DPYD: variants seen among roughly 807,000 people sequenced by gnomAD.
DPYD encodes dihydropyrimidine dehydrogenase [NADP(+)].
A neutral mutation model predicts 116.2 loss-of-function variants in DPYD; 109 were observed. The ratio of observed to expected loss-of-function variants is 0.94; its 90% CI spans 0.80 to 1.10. DPYD has a LOEUF of 1.10. DPYD is among the 50% of genes least tolerant of loss of function. The pLI is 0.00. For synonymous variants in DPYD, 440 were observed against 432.0 expected (o/e 1.02, Z -0.23); for missense variants, 1,302 against 1,254.5 (o/e 1.04, Z -0.57).
At chr1:97,678,224 C>T (rs1222350739) in intron 8 of DPYD, among the ~76,000 whole-genome samples, 1 of 152,082 alleles carries the variant, frequency 6.6e-6, no homozygotes, top group African/African-American at 2.4e-5. Flanking sequence ...GTTTGCACTC[C>T]TATGATAATT....
intron 3 of DPYD, among the ~76,000 whole-genome samples, chr1:97,768,970 A>T (rs528700342): frequency 1.3e-5 from 2 of 152,128 alleles, no homozygotes; most frequent in East Asian, 3.9e-4. Context: ...AAATAAAGAA[A>T]AAAACACATA....
intron 19 of DPYD, among the ~76,000 whole-genome samples, chr1:97,220,947 TGTG>T (rs1301971256): frequency 6.6e-6 from 1 of 152,134 alleles, no homozygotes; most frequent in African/African-American, 2.4e-5. Flanking sequence ...TATCCAAAAA[TGTG>T]ATCAAATGGA....
At chr1:97,446,697 C>T (rs964805205) in intron 14 of DPYD, among the ~76,000 whole-genome samples, 1 of 152,046 alleles carries the variant, frequency 6.6e-6, no homozygotes, top group African/African-American at 2.4e-5. Flanking sequence ...TCTTTGCTTC[C>T]TAATTCAGTG....
chr1:97,323,207 CAT>C (rs756568822), intron 16 of DPYD, among the ~76,000 whole-genome samples: 1 of 147,110 alleles, frequency 6.8e-6, no homozygotes, highest in African/African-American at 2.5e-5. Flanking sequence ...TATATATCCA[CAT>C]ATGTGTATAC....
chr1:97,561,558 C>G (rs1652145307), intron 11 of DPYD, among the ~76,000 whole-genome samples: 1 of 151,992 alleles, frequency 6.6e-6, no homozygotes, highest in Admixed American at 6.6e-5. Context: ...GAGCAAGAAT[C>G]AAAAAGGAGA....
In DPYD at chr1:97,127,067, C is replaced by T. The variant is rs554595953; in HGVS notation, c.2623-28435G>A. Among the ~76,000 whole-genome samples the T allele has an allele frequency of 2.8e-4, 43 of 152,278 alleles. No individual in the cohort carries two copies. The East Asian group carries it at 5.6e-3, about 20-fold the overall frequency. On this transcript the variant is annotated intron_variant, in intron 20 of 22. Transcript: ENST00000370192. Reference sequence around the variant, plus strand: ...ATTGAAAAGGGAAGACAAGTATAAACGTAGCAAATGGCAAGCTTCATACAA... The same window carrying T: ...ATTGAAAAGGGAAGACAAGTATAAATGTAGCAAATGGCAAGCTTCATACAA...
chr1:97,276,042 A>G (rs939666295), intron 18 of DPYD, among the ~76,000 whole-genome samples: 1 of 152,076 alleles, frequency 6.6e-6, no homozygotes, highest in Non-Finnish European at 1.5e-5. Context: ...TGTTTATGGC[A>G]TGAAGGTTCA....
At chr1:97,457,125 A>G (rs1676732229) in intron 13 of DPYD, among the ~76,000 whole-genome samples, 1 of 152,138 alleles carries the variant, frequency 6.6e-6, no homozygotes, top group Admixed American at 6.6e-5. Flanking sequence ...AAGGAAGAAC[A>G]AAGAAGAGCA....
intron 3 of DPYD, among the ~76,000 whole-genome samples, chr1:97,805,772 GA>G (rs1668052348): frequency 1.3e-5 from 2 of 151,710 alleles, no homozygotes; most frequent in South Asian, 4.2e-4. Flanking sequence ...AACGTTTAAT[GA>G]TCACCGGCAC....
chr1:97,702,192 C>T (rs1661635631), intron 5 of DPYD, among the ~76,000 whole-genome samples: 1 of 150,456 alleles, frequency 6.6e-6, no homozygotes. Context: ...TTTATATTTC[C>T]CCAAAGAAAG....
At chr1:97,311,830 T>G (rs1280814036) in intron 16 of DPYD, among the ~76,000 whole-genome samples, 3 of 151,898 alleles carry the variant, frequency 2.0e-5, no homozygotes, top group Non-Finnish European at 4.4e-5. Flanking sequence ...CTCAAAAGTA[T>G]ACAATATAAT....
intron 20 of DPYD, among the ~76,000 whole-genome samples, chr1:97,191,424 T>C (rs991737340): frequency 6.6e-6 from 1 of 152,138 alleles, no homozygotes; most frequent in South Asian, 2.1e-4. Context: ...GAATCACTAA[T>C]ATAATCACAT....
Position 97,084,920 on chromosome 1 carries a change from C to T in DPYD, c.2767-2450G>A, listed in dbSNP as rs191674237. On this transcript the variant is annotated intron_variant, in intron 21 of 22. Coordinates refer to ENST00000370192, the MANE Select transcript of DPYD (RefSeq NM_000110.4). ...CAATGGGTACGCAAATATTTGTTAA[C>T]ATAAATATAAATTTTATATATCTAT... Among the ~76,000 whole-genome samples, 128 of 152,188 alleles carry T rather than the reference C, an allele frequency of 8.4e-4. No homozygotes were observed. In the East Asian group the frequency reaches 0.02, roughly 24 times the overall value.
At chr1:97,746,646 G>C (rs1318983997) in intron 3 of DPYD, among the ~76,000 whole-genome samples, 1 of 152,020 alleles carries the variant, frequency 6.6e-6, no homozygotes, top group Non-Finnish European at 1.5e-5. Flanking sequence ...TACGAAAGAC[G>C]TGATGGAAAT....
chr1:97,206,658 A>G lies in DPYD; in HGVS notation c.2443-13410T>C, dbSNP rs1322192738. 6.1e-4 allele frequency among the ~76,000 whole-genome samples: 58 copies of G among 94,464 alleles called. 3 individuals are homozygous for G. Among genetic ancestry groups the G allele is most frequent in the African/African-American group, 2.9e-3 (58 of 19,924 alleles). The allele number at this position is 94,464 out of a possible 152,430, so 62.0% of individuals were successfully genotyped here. A position where few individuals can be genotyped will look rare whatever the true frequency, so the allele number is the denominator to read the frequency against. ...AGATTTTATATATATATATATATAT[A>G]TATATATATATATATATATATATAT... On this transcript the variant is annotated intron_variant, in intron 19 of 22. Coordinates refer to ENST00000370192, the MANE Select transcript of DPYD (RefSeq NM_000110.4).
intron 3 of DPYD, among the ~76,000 whole-genome samples, chr1:97,770,924 A>T (rs927775242): frequency 6.6e-6 from 1 of 152,220 alleles, no homozygotes; most frequent in Non-Finnish European, 1.5e-5. Flanking sequence ...ATTGTGAAAA[A>T]ATTCAAATGT....
chr1:97,596,607 A>G (rs1557826494), intron 8 of DPYD, among the ~76,000 whole-genome samples: 1 of 152,146 alleles, frequency 6.6e-6, no homozygotes, highest in East Asian at 1.9e-4. Context: ...GCAGGAGTTT[A>G]TTTTACAATG....
At chr1:97,483,270 C>T (rs956472381) in intron 13 of DPYD, among the ~76,000 whole-genome samples, 1 of 152,130 alleles carries the variant, frequency 6.6e-6, no homozygotes, top group African/African-American at 2.4e-5. Context: ...TGGTGCAGTC[C>T]AGTGTTCACT....
chr1:97,829,265 A>G (rs1355280141), intron 2 of DPYD, among the ~76,000 whole-genome samples: 1 of 151,970 alleles, frequency 6.6e-6, no homozygotes, highest in Non-Finnish European at 1.5e-5. Flanking sequence ...TCCAATGTAT[A>G]AGAATGAATT....
Sources: gnomAD v4.1 joint callset for allele counts (sites outside exome capture counted in the v4.1 genomes callset) on GRCh38, gnomAD v4.1.1 for gene constraint, MANE v1.5 for transcripts, NCBI Gene and HGNC (gene_info 2026-07-23, HGNC 2026-07-21) for gene names.